The following STIL variants were observed in gnomAD, a reference collection of about 807,000 sequenced individuals.
STIL encodes the protein SCL-interrupting locus protein.
A neutral mutation model predicts 110.1 loss-of-function variants in STIL; 55 were observed. The observed-to-expected ratio is 0.50, with a 90% CI of 0.40 to 0.63. The LOEUF (loss-of-function observed/expected upper bound fraction) is 0.63, where lower values mean the gene tolerates loss of function less well. Ranked by LOEUF, STIL falls within the 20% of genes least tolerant of loss-of-function variation. STIL has a pLI of 0.00. For missense variants in STIL, 1,358 were observed against 1,530.0 expected (o/e 0.89, Z 1.87); for synonymous variants, 481 against 530.0 (o/e 0.91, Z 1.27).
chr1:47,295,641 C>T (rs1423430594), intron 7 of STIL, 124 bp downstream of exon 7: 6 of 703,750 alleles, frequency 8.5e-6, no homozygotes, highest in Non-Finnish European at 1.5e-5. Context: ...GAAAACCTGA[C>T]AACCACTTAT....
In STIL at chr1:47,293,528, T is replaced by A; in HGVS notation, c.802A>T (p.Thr268Ser). ...PLVGIWLSGI[T>S]HIYSPQVWAC... Reference sequence around the variant, plus strand: ...CATACCTGAGGACTATAGATATGTGTAATTCCAGACAGCCAACTAAAAGAA... The same window carrying A: ...CATACCTGAGGACTATAGATATGTGAAATTCCAGACAGCCAACTAAAAGAA... The change falls in exon 8 of 17, where the codon ACA becomes TCA. Residue 268 changes from threonine to serine, a missense_variant. By Grantham distance (58) the Thr-to-Ser change is moderately conservative (BLOSUM62 1). Coordinates refer to ENST00000371877, the MANE Select transcript of STIL (RefSeq NM_001048166.1). 6.2e-7 allele frequency: 1 copy of A among 1,612,988 alleles called. No individual in the cohort carries two copies.
intron 12 of STIL, 139 bp downstream of exon 12, chr1:47,280,102 C>T: frequency 8.9e-7 from 1 of 1,128,610 alleles, no homozygotes. Context: ...AACAAGAGGG[C>T]CTAGAATTCA....
At chr1:47,285,978 G>A (rs1023825625) in intron 10 of STIL, among the ~76,000 whole-genome samples, 1 of 151,798 alleles carries the variant, frequency 6.6e-6, no homozygotes, top group Non-Finnish European at 1.5e-5. Flanking sequence ...GGGTTCAAGC[G>A]ATTCTCCCAC....
chr1:47,287,439 A>T (rs1426273091), intron 10 of STIL, 112 bp downstream of exon 10: 1 of 718,086 alleles, frequency 1.4e-6, no homozygotes, highest in South Asian at 1.9e-5. Context: ...TTTATGGTAC[A>T]TAAGATTTAA....
Position 47,255,647 on chromosome 1 carries a change from G to A in STIL, c.3081-3725C>T, listed in dbSNP as rs376869001. Among the ~76,000 whole-genome samples the A allele has an allele frequency of 1.3e-3, 199 of 151,634 alleles. 1 individual carries two copies. The highest frequency in any genetic ancestry group is 4.5e-3 in the African/African-American group (187 of 41,330). On this transcript the variant is annotated intron_variant, in intron 16 of 16. Coordinates refer to ENST00000371877, the MANE Select transcript of STIL (RefSeq NM_001048166.1). ...TCCTACACAGTTTTTCAACTACTAA[G>A]CAGATAGCCAGGAAGCAAGGTAAAG... is the stretch of plus-strand genomic sequence containing the variant.
chr1:47,310,241 C>A, intron 2 of STIL, 35 bp downstream of exon 2: 1 of 1,599,010 alleles, frequency 6.3e-7, no homozygotes, highest in East Asian at 2.2e-5. Context: ...ATGTGAAAAG[C>A]TGTAAGACAA....
rs1645555016 is a variant in STIL at position 47,293,538 on chromosome 1, C to G, written c.792G>C (p.Leu264=). Residue 264 remains leucine, a synonymous_variant, in exon 8 of 17, where the codon CTG becomes CTC. Coordinates refer to ENST00000371877, the MANE Select transcript of STIL (RefSeq NM_001048166.1). The part of the protein sequence containing the change: ...VYSLPLVGIW[L]SGITHIYSPQ... Reference sequence around the variant, plus strand: ...GACTATAGATATGTGTAATTCCAGACAGCCAACTAAAAGAAAAAGATAGAA... The same window carrying G: ...GACTATAGATATGTGTAATTCCAGAGAGCCAACTAAAAGAAAAAGATAGAA... 1.9e-6 allele frequency: 3 copies of G among 1,612,240 alleles called. No homozygotes were observed. The highest frequency in any genetic ancestry group is 2.2e-5 in the South Asian group (2 of 91,040).
At chr1:47,269,220 A>C (rs1644748307) in intron 14 of STIL, among the ~76,000 whole-genome samples, 1 of 152,170 alleles carries the variant, frequency 6.6e-6, no homozygotes, top group Non-Finnish European at 1.5e-5. Context: ...CTGTTAATAT[A>C]GCCAAAGACT....
intron 10 of STIL, among the ~76,000 whole-genome samples, chr1:47,286,406 C>A (rs1484709431): frequency 1.3e-5 from 2 of 151,960 alleles, no homozygotes; most frequent in South Asian, 4.2e-4. Context: ...GCCAAATGAT[C>A]CCTAAAAGTT....
rs761431826 is a variant in STIL at position 47,272,057 on chromosome 1, A to T, written c.2383+19T>A. ...ATTTTTAACAATTTCCTTACAAATT[A>T]AAAAAAAACTGAAATTACCTGTGCT... On this transcript the variant is annotated intron_variant, in intron 13 of 16. Transcript: ENST00000371877. The T allele has an allele frequency of 5.0e-6, 8 of 1,602,708 alleles. No individual in the cohort carries two copies. Among genetic ancestry groups the T allele is most frequent in the Non-Finnish European group, 6.0e-6 (7 of 1,171,948 alleles).
Position 47,280,287 on chromosome 1 carries a change from C to A in STIL, c.2171G>T (p.Arg724Leu), listed in dbSNP as rs755519709. Residue 724 changes from arginine (R) to leucine (L), a missense_variant, in exon 12 of 17, where the codon CGG (arginine) becomes CTG (leucine). Physicochemically the swap from Arg to Leu is moderately radical, Grantham distance 102. Coordinates refer to ENST00000371877, the MANE Select transcript of STIL (RefSeq NM_001048166.1). ...GMMGLSPDAY[R>L]FLTEQDRQLR... is the part of the protein sequence containing the mutation. ...CTGTCTGTCTTGTTCTGTGAGGAAC[C>A]GATATGCATCTGGAGATAGTCCCAT... 1.2e-6 allele frequency: 2 copies of A among 1,614,158 alleles called. No homozygotes were observed. Among genetic ancestry groups the A allele is most frequent in the East Asian group, 4.5e-5 (2 of 44,884 alleles).
intron 13 of STIL, 59 bp from the exon 14 acceptor site, chr1:47,269,925 T>G: frequency 3.7e-5 from 56 of 1,496,234 alleles, no homozygotes; most frequent in Non-Finnish European, 5.1e-5. Context: ...AATAATACTC[T>G]GCCAAACCTT....
chr1:47,303,878 A>G (rs576744554), intron 3 of STIL, among the ~76,000 whole-genome samples: 5 of 152,304 alleles, frequency 3.3e-5, no homozygotes, highest in African/African-American at 9.6e-5. Context: ...ACCTTGTTTC[A>G]TTCTTTCCTC....
chr1:47,255,185 C>T (rs946924584), intron 16 of STIL, among the ~76,000 whole-genome samples: 3 of 151,788 alleles, frequency 2.0e-5, no homozygotes, highest in East Asian at 1.9e-4. Context: ...GTAATTAAGA[C>T]GAAAAGCAAA....
chr1:47,274,520 T>C (rs1274063270), intron 12 of STIL, among the ~76,000 whole-genome samples: 1 of 146,280 alleles, frequency 6.8e-6, no homozygotes. Context: ...AGTTTCACTA[T>C]GTTAGCCAGG....
chr1:47,266,835 T>C (rs1471103790), intron 14 of STIL, among the ~76,000 whole-genome samples: 1 of 152,198 alleles, frequency 6.6e-6, no homozygotes, highest in Non-Finnish European at 1.5e-5. Flanking sequence ...AATCAGATCA[T>C]AACACTCCAT....
chr1:47,279,176 C>T (rs946509173), intron 12 of STIL, among the ~76,000 whole-genome samples: 1 of 151,298 alleles, frequency 6.6e-6, no homozygotes, highest in Non-Finnish European at 1.5e-5. Flanking sequence ...CCAGCTACTC[C>T]GGCGGCTGAG....
At chr1:47,270,670 C>T (rs201549416) in intron 13 of STIL, among the ~76,000 whole-genome samples, 50 of 94,064 alleles carry the variant, frequency 5.3e-4, no homozygotes, top group South Asian at 8.6e-4. Context: ...GTTTCCCAAT[C>T]TTTTTTTTTT....
At chr1:47,301,913 T>C (rs1028405023) in intron 4 of STIL, among the ~76,000 whole-genome samples, 165 bp from the exon 5 acceptor site, 4 of 152,226 alleles carry the variant, frequency 2.6e-5, no homozygotes, top group Non-Finnish European at 5.9e-5. Flanking sequence ...TATAAGCGTA[T>C]ACTAAAGTCT....
Sources: allele counts gnomAD v4.1 joint callset (sites outside exome capture counted in the v4.1 genomes callset), GRCh38; gene constraint gnomAD v4.1.1; transcripts MANE v1.5; gene names NCBI Gene and HGNC (gene_info 2026-07-23, HGNC 2026-07-21).